The following ISM1 variants were observed in gnomAD, a reference collection of about 807,000 sequenced individuals.
ISM1 encodes the protein isthmin 1.
In ISM1, 25 loss-of-function variants were observed where a neutral mutation model predicts 46.3. The observed-to-expected ratio is 0.54, with a 90% CI of 0.39 to 0.75. ISM1 has a LOEUF of 0.75. Ranked by LOEUF, ISM1 falls within the 30% of genes least tolerant of loss-of-function variation. The pLI is 0.00. For missense variants in ISM1, 536 were observed against 625.4 expected, an observed-to-expected ratio of 0.86 and a Z score of 1.52; for synonymous variants, 255 against 256.7, an observed-to-expected ratio of 0.99 and a Z score of 0.06.
intron 1 of ISM1, among the ~76,000 whole-genome samples, chr20:13,262,498 G>A (rs1331449496): frequency 1.4e-5 from 2 of 146,728 alleles, no homozygotes; most frequent in Non-Finnish European, 3.0e-5. Flanking sequence ...CTTTCCACTC[G>A]TGTACTCTGC....
Position 13,221,749 on chromosome 20 carries a change from G to T in ISM1, c.-28G>T, listed in dbSNP as rs2039451252. 1 of 1,373,252 alleles carries T rather than the reference G, an allele frequency of 7.3e-7. No individual in the cohort carries two copies. The allele number at this position is 1,373,252 out of a possible 1,614,324, so 85.1% of individuals were successfully genotyped here. A position where few individuals can be genotyped will look rare whatever the true frequency, so the allele number is the denominator to read the frequency against. Reference sequence around the variant, plus strand: ...CGCCGCCGCCGCCGGCCGCCGCGCCGGGTCCTAAAGCCGCGCGTCTCAAAA... The same window carrying T: ...CGCCGCCGCCGCCGGCCGCCGCGCCTGGTCCTAAAGCCGCGCGTCTCAAAA... On this transcript the variant is annotated 5_prime_UTR_variant, in exon 1 of 6. Transcript: ENST00000262487.
At chr20:13,260,907 G>A (rs6078967) in intron 1 of ISM1, among the ~76,000 whole-genome samples, 1 of 152,178 alleles carries the variant, frequency 6.6e-6, no homozygotes, top group Non-Finnish European at 1.5e-5. Flanking sequence ...GGATGGTCTA[G>A]GACAGTCTCC....
Position 13,221,829 on chromosome 20 carries a change from C to A in ISM1, c.53C>A (p.Thr18Lys), listed in dbSNP as rs1217988289. 6.9e-7 allele frequency: 1 copy of A among 1,457,698 alleles called. No individual in the cohort carries two copies. The allele number at this position is 1,457,698 out of a possible 1,614,324, so 90.3% of individuals were successfully genotyped here. Residue 18 changes from threonine (T) to lysine (K), a missense_variant, in exon 1 of 6, where the codon ACG (threonine) becomes AAG (lysine). Around this residue, in one of 2 missense-constraint regions of ISM1, gnomAD observed 367 missense variants for 376.1 expected, o/e 0.98. Transcript: ENST00000262487. ...LLLLLGLLLL[T>K]LHITVLRGSG... ...CTGCTGCTGGGGCTGCTGCTGCTCA[C>A]GCTGCACATCACCGTGCTGCGCGGC...
intron 1 of ISM1, chr20:13,244,231 G>A (rs1165370795): frequency 6.6e-6 from 1 of 152,122 alleles, no homozygotes; most frequent in East Asian, 1.9e-4. Context: ...CAAACTAAAA[G>A]TCTACAAGAG....
At chr20:13,224,611 C>T (rs2039492428) in intron 1 of ISM1, among the ~76,000 whole-genome samples, 1 of 152,028 alleles carries the variant, frequency 6.6e-6, no homozygotes, top group Admixed American at 6.5e-5. Context: ...TGTGTACAAC[C>T]TTCTAAAATA....
At chr20:13,283,349 C>T (rs1235793701) in intron 3 of ISM1, among the ~76,000 whole-genome samples, 4 of 152,106 alleles carry the variant, frequency 2.6e-5, no homozygotes, top group African/African-American at 4.8e-5. Context: ...TATCTCGGGG[C>T]GTGCAGCCTC....
chr20:13,270,646 C>G lies in ISM1; in HGVS notation c.281C>G (p.Ser94Ter). ...TTCCGACAAGAGACGGGGCACCCTT[C>G]ATTGCAAAGAGATTTCCCCAGATCC... ...PRFRQETGHP[S>*]LQRDFPRSFL... The change falls in exon 2 of 6, where the codon TCA (serine) becomes TGA (stop). Residue 94 changes from serine (S) to a stop codon, truncating the protein, a stop_gained. Coordinates refer to ENST00000262487, the MANE Select transcript of ISM1 (RefSeq NM_080826.2). LOFTEE classifies it high-confidence loss of function. 1.2e-6 allele frequency: 2 copies of G among 1,613,994 alleles called. No homozygotes were observed. The highest frequency in any genetic ancestry group is 1.7e-6 in the Non-Finnish European group (2 of 1,179,874).
At chr20:13,248,799 T>A (rs559392117) in intron 1 of ISM1, among the ~76,000 whole-genome samples, 2 of 151,930 alleles carry the variant, frequency 1.3e-5, no homozygotes, top group Non-Finnish European at 1.5e-5. Flanking sequence ...CATTTGGGGG[T>A]GAGCGGGGGA....
Position 13,292,414 on chromosome 20 carries a change from T to A in ISM1, c.828T>A (p.Ser276Arg). 1.9e-6 allele frequency: 3 copies of A among 1,607,326 alleles called. No homozygotes were observed. Among genetic ancestry groups the A allele is most frequent in the Non-Finnish European group, 2.5e-6 (3 of 1,176,752 alleles). ...DTFRTAATEV[S>R]LLAGSEEFNA... Reference sequence around the variant, plus strand: ...TTAGGACAGCTGCCACCGAAGTGAGTCTGCTTGCGGGAAGCGAGGAGTTTA... The same window carrying A: ...TTAGGACAGCTGCCACCGAAGTGAGACTGCTTGCGGGAAGCGAGGAGTTTA... Residue 276 changes from serine to arginine, a missense_variant, in exon 5 of 6, where the codon AGT becomes AGA. Transcript: ENST00000262487.
intron 1 of ISM1, among the ~76,000 whole-genome samples, chr20:13,238,484 G>A (rs189698514): frequency 5.9e-5 from 9 of 152,118 alleles, no homozygotes; most frequent in African/African-American, 9.6e-5. Flanking sequence ...CTCCTGGATC[G>A]ATTATACATA....
chr20:13,318,430 G>A, the ISM1 span, among the ~76,000 whole-genome samples: 7 of 151,842 alleles, frequency 4.6e-5, no homozygotes, highest in Admixed American at 1.3e-4. Flanking sequence ...GTTTGCTTAT[G>A]AAATTAAACG....
Position 13,299,559 on chromosome 20 carries a change from G to A in ISM1, c.*100G>A, listed in dbSNP as rs986782856. On this transcript the variant is annotated 3_prime_UTR_variant, in exon 6 of 6. Transcript: ENST00000262487. This position sits in a 1 kb window ranked among gnomAD's most constrained non-coding sequence, Gnocchi z 5.8. The stretch of plus-strand genomic sequence containing the variant: ...CGCCGAGACCTTCATAGCTGCGGTC[G>A]TGTATATTTGTATATACCACATGAG... 1.0e-5 allele frequency: 11 copies of A among 1,087,502 alleles called. No individual in the cohort carries two copies. Among genetic ancestry groups the A allele is most frequent in the African/African-American group, 9.4e-5 (6 of 63,690 alleles). 67.4% of individuals were successfully genotyped at this position (1,087,502 alleles called of 1,614,324 possible).
intron 1 of ISM1, among the ~76,000 whole-genome samples, chr20:13,241,470 C>T (rs2039722176): frequency 6.6e-6 from 1 of 151,818 alleles, no homozygotes; most frequent in East Asian, 1.9e-4. Flanking sequence ...TTCAAGAAGG[C>T]AAGGGGCTAT....
rs183972355 is a variant in ISM1, at chr20:13,268,298, C to G, written c.139-2206C>G. On this transcript the variant is annotated intron_variant, in intron 1 of 5. Coordinates refer to ENST00000262487, the MANE Select transcript of ISM1 (RefSeq NM_080826.2). ...CTCCTTCTCTTTCTTTCTTCTCTTCCTTCTCTTCTCTTTTCTCTTCTCTTC... is the reference window on the plus strand; with the variant it reads ...CTCCTTCTCTTTCTTTCTTCTCTTCGTTCTCTTCTCTTTTCTCTTCTCTTC... Among the ~76,000 whole-genome samples the G allele has an allele frequency of 6.0e-4, 88 of 146,270 alleles. 2 individuals carry two copies. Among genetic ancestry groups the G allele is most frequent in the Non-Finnish European group, 1.7e-4 (11 of 66,534 alleles).
At chr20:13,310,252 A>G in the ISM1 span, among the ~76,000 whole-genome samples, 1 of 152,240 alleles carries the variant, frequency 6.6e-6, no homozygotes, top group Non-Finnish European at 1.5e-5. Flanking sequence ...AGCAGAATAG[A>G]GAGCTCCAAA....
chr20:13,235,699 C>T (rs1188294891), intron 1 of ISM1, among the ~76,000 whole-genome samples: 2 of 152,152 alleles, frequency 1.3e-5, no homozygotes, highest in African/African-American at 4.8e-5. Flanking sequence ...CATCTTTTTT[C>T]AGAATGGTTG....
chr20:13,256,826 G>C (rs1385594698), intron 1 of ISM1, among the ~76,000 whole-genome samples: 3 of 152,176 alleles, frequency 2.0e-5, no homozygotes, highest in Non-Finnish European at 2.9e-5. Context: ...TATCCACCCA[G>C]TGGGAAGCTT....
chr20:13,305,871 C>A, the ISM1 span, among the ~76,000 whole-genome samples: 1 of 152,062 alleles, frequency 6.6e-6, no homozygotes, highest in South Asian at 2.1e-4. Flanking sequence ...ATTTAAAAAA[C>A]CAAGCTAAAA....
intron 1 of ISM1, among the ~76,000 whole-genome samples, chr20:13,256,511 T>A (rs553134116): frequency 1.2e-4 from 19 of 152,158 alleles, no homozygotes; most frequent in Admixed American, 9.2e-4. Flanking sequence ...GCATGACTAT[T>A]CTCAGGACTA....
Sources: allele counts gnomAD v4.1 joint callset (sites outside exome capture counted in the v4.1 genomes callset), GRCh38; gene constraint gnomAD v4.1.1; regional missense constraint gnomAD v4.1.1; non-coding constraint Gnocchi (gnomAD v3.1); transcripts MANE v1.5; gene names NCBI Gene and HGNC (gene_info 2026-07-23, HGNC 2026-07-21).